Variants in REDIC1 observed in about 807,000 individuals in gnomAD.
REDIC1 encodes the protein regulator of DNA class I crossover intermediates 1.
the REDIC1 span, chr12:39,830,098 T>C: frequency 3.1e-6 from 5 of 1,613,506 alleles, no homozygotes; most frequent in Non-Finnish European, 4.2e-6. Flanking sequence ...AAATGAGTGA[T>C]ATACCTGCCC....
chr12:39,814,342 T>G, the REDIC1 span, among the ~76,000 whole-genome samples: 2 of 152,210 alleles, frequency 1.3e-5, no homozygotes. Context: ...TTTGTACTGT[T>G]TTTAAAAACT....
At chr12:39,762,770 G>C in the REDIC1 span, among the ~76,000 whole-genome samples, 2 of 152,008 alleles carry the variant, frequency 1.3e-5, no homozygotes, top group Non-Finnish European at 2.9e-5. Flanking sequence ...TAGCCTGAAT[G>C]AACTATTTTT....
the REDIC1 span, among the ~76,000 whole-genome samples, chr12:39,818,697 A>G: frequency 6.6e-6 from 1 of 152,176 alleles, no homozygotes; most frequent in African/African-American, 2.4e-5. Context: ...ATACTATCTT[A>G]GGTTATACAG....
the REDIC1 span, among the ~76,000 whole-genome samples, chr12:39,862,725 G>A: frequency 4.6e-5 from 7 of 152,044 alleles, no homozygotes; most frequent in East Asian, 1.4e-3. Context: ...TAATTATTGT[G>A]TATGCATAAT....
chr12:39,792,366 T>C, the REDIC1 span, among the ~76,000 whole-genome samples: 1 of 151,732 alleles, frequency 6.6e-6, no homozygotes, highest in Non-Finnish European at 1.5e-5. Flanking sequence ...AAAGCCAAAA[T>C]TGACAAATGG....
chr12:39,675,152 G>A, the REDIC1 span, among the ~76,000 whole-genome samples: 6 of 152,158 alleles, frequency 3.9e-5, no homozygotes, highest in Admixed American at 3.9e-4. Flanking sequence ...TATCACCGGA[G>A]GCTTTCTCTC....
the REDIC1 span, among the ~76,000 whole-genome samples, chr12:39,700,920 G>A: frequency 4.0e-5 from 6 of 151,882 alleles, no homozygotes; most frequent in East Asian, 1.9e-4. Context: ...CTGCCCTAAA[G>A]GAGCTCCTGA....
chr12:39,805,056 G>GAGGGAGAAGCCTGCTGA, the REDIC1 span, among the ~76,000 whole-genome samples: 1 of 152,064 alleles, frequency 6.6e-6, no homozygotes, highest in Non-Finnish European at 1.5e-5. Flanking sequence ...AAGCCTGCTG[G>GAGGGAGAAGCCTGCTGA]AGAGAGAAGC....
At chr12:39,767,514 A>T in the REDIC1 span, among the ~76,000 whole-genome samples, 1 of 152,006 alleles carries the variant, frequency 6.6e-6, no homozygotes, top group Non-Finnish European at 1.5e-5. Context: ...ATTATCTCCT[A>T]ACAAGAGACC....
chr12:39,674,089 C>G, the REDIC1 span, among the ~76,000 whole-genome samples: 3 of 152,192 alleles, frequency 2.0e-5, no homozygotes, highest in Non-Finnish European at 4.4e-5. Context: ...GATAATTGCT[C>G]TCTGTCATCT....
chr12:39,684,233 A>G, the REDIC1 span: 1 of 996,178 alleles, frequency 1.0e-6, no homozygotes, highest in South Asian at 3.9e-5. Flanking sequence ...TTTTCTGAAT[A>G]ATGACCTGCA....
the REDIC1 span, among the ~76,000 whole-genome samples, chr12:39,651,303 C>A: frequency 2.0e-5 from 3 of 152,124 alleles, no homozygotes; most frequent in South Asian, 6.2e-4. Flanking sequence ...GGGTTATAGA[C>A]CGACCATGGA....
the REDIC1 span, among the ~76,000 whole-genome samples, chr12:39,780,941 T>G: frequency 6.6e-6 from 1 of 152,220 alleles, no homozygotes; most frequent in East Asian, 1.9e-4. Flanking sequence ...CATTAGTTAC[T>G]GACATATAAG....
the REDIC1 span, among the ~76,000 whole-genome samples, chr12:39,800,577 A>G: frequency 1.1e-5 from 1 of 91,938 alleles, no homozygotes; most frequent in African/African-American, 4.4e-5. Context: ...AATGGCAATC[A>G]TTAAAAAGTC....
the REDIC1 span, among the ~76,000 whole-genome samples, chr12:39,903,198 A>T: frequency 6.6e-6 from 1 of 152,166 alleles, no homozygotes. Flanking sequence ...CCTGAATATT[A>T]CATCTATCCT....
the REDIC1 span, among the ~76,000 whole-genome samples, chr12:39,692,864 T>A: frequency 0.79 from 120,450 of 151,928 alleles, 48,477 homozygotes; most frequent in Non-Finnish European, 0.87. Flanking sequence ...AAGGTAATGC[T>A]AAATTATTTT....
At chr12:39,827,299 G>A in the REDIC1 span, among the ~76,000 whole-genome samples, 27 of 152,182 alleles carry the variant, frequency 1.8e-4, no homozygotes, top group African/African-American at 5.5e-4. Flanking sequence ...GCTTTTTCAT[G>A]TGTACCATTA....
chr12:39,748,738 C>T, the REDIC1 span, among the ~76,000 whole-genome samples: 3 of 152,096 alleles, frequency 2.0e-5, no homozygotes, highest in African/African-American at 7.2e-5. Context: ...CACAGTGCAG[C>T]CAAACTAGAA....
At chr12:39,697,655 A>G in the REDIC1 span, among the ~76,000 whole-genome samples, 1 of 152,124 alleles carries the variant, frequency 6.6e-6, no homozygotes, top group Non-Finnish European at 1.5e-5. Context: ...TTCTTTGCTC[A>G]TTTTTTTATG....
Sources: gnomAD v4.1 joint callset for allele counts (sites outside exome capture counted in the v4.1 genomes callset) on GRCh38, gnomAD v4.1.1 for gene constraint, MANE v1.5 for transcripts, NCBI Gene and HGNC (gene_info 2026-07-23, HGNC 2026-07-21) for gene names.